The following GMCL1 variants were observed in gnomAD, a reference collection of about 807,000 sequenced individuals.
The protein encoded by GMCL1 is germ cell-less 1, spermatogenesis associated, also known as germ cell-less protein-like 1.
A neutral mutation model predicts 75.5 loss-of-function variants in GMCL1; 54 were observed. That is an observed-to-expected ratio of 0.71 (90% CI 0.57 to 0.90). The LOEUF is 0.90. GMCL1 is among the 40% of genes least tolerant of loss of function. The pLI, the probability that GMCL1 is intolerant of heterozygous loss-of-function variation, is 0.00. For synonymous variants in GMCL1, 210 were observed against 209.6 expected, an observed-to-expected ratio of 1.00 and a Z score of -0.02; for missense variants, 537 against 622.7, an observed-to-expected ratio of 0.86 and a Z score of 1.47.
At chr2:69,870,603 G>T (rs7568485) in intron 12 of GMCL1, among the ~76,000 whole-genome samples, 1 of 151,988 alleles carries the variant, frequency 6.6e-6, no homozygotes, top group East Asian at 1.9e-4. Context: ...TATTTGTAAC[G>T]CTACATTTGA....
At chr2:69,843,087 G>C in intron 4 of GMCL1, 62 bp from the exon 5 acceptor site, 1 of 679,538 alleles carries the variant, frequency 1.5e-6, no homozygotes, top group South Asian at 2.1e-5. Context: ...ATATGTAAAA[G>C]CTGTCAGAGC....
At chr2:69,861,509 TTATAAA>T (rs1235188979) in intron 10 of GMCL1, among the ~76,000 whole-genome samples, 162 bp downstream of exon 10, 1 of 152,332 alleles carries the variant, frequency 6.6e-6, no homozygotes, top group East Asian at 1.9e-4. Flanking sequence ...ATTATCAGTC[TTATAAA>T]TGTCTTTCTG....
intron 8 of GMCL1, among the ~76,000 whole-genome samples, chr2:69,852,020 G>A (rs151148974): frequency 3.0e-4 from 45 of 152,172 alleles, no homozygotes; most frequent in African/African-American, 9.2e-4. Flanking sequence ...TTTGTGTTAC[G>A]TTATGGCAAT....
At chr2:69,832,488 A>G (rs1212225099) in intron 1 of GMCL1, among the ~76,000 whole-genome samples, 3 of 152,168 alleles carry the variant, frequency 2.0e-5, no homozygotes, top group Non-Finnish European at 4.4e-5. Context: ...ACATTTATTT[A>G]TTTATATTTA....
At chr2:69,835,320 C>T (rs542875876) in intron 1 of GMCL1, among the ~76,000 whole-genome samples, 3 of 152,182 alleles carry the variant, frequency 2.0e-5, no homozygotes, top group Admixed American at 6.5e-5. Context: ...TTTATCATAG[C>T]AGTCTATGGG....
intron 1 of GMCL1, among the ~76,000 whole-genome samples, chr2:69,836,396 G>C (rs910470913): frequency 6.6e-6 from 1 of 152,134 alleles, no homozygotes; most frequent in African/African-American, 2.4e-5. Flanking sequence ...ACATTCTGCC[G>C]TCAGGAACTG....
At chr2:69,871,332 A>G (rs1675975823) in intron 12 of GMCL1, among the ~76,000 whole-genome samples, 2 of 152,176 alleles carry the variant, frequency 1.3e-5, no homozygotes, top group Non-Finnish European at 2.9e-5. Flanking sequence ...TCATAGGTAC[A>G]GAGGATACAC....
intron 5 of GMCL1, 119 bp from the exon 6 acceptor site, chr2:69,844,012 G>C (rs1489925684): frequency 4.3e-6 from 2 of 467,948 alleles, no homozygotes; most frequent in African/African-American, 4.1e-5. Context: ...CTATTGTTAA[G>C]CTAAAAGTTT....
intron 11 of GMCL1, 159 bp from the exon 12 acceptor site, chr2:69,869,560 T>C: frequency 3.3e-6 from 2 of 604,520 alleles, no homozygotes; most frequent in Non-Finnish European, 5.7e-6. Flanking sequence ...ATAAATAGTT[T>C]TGGGTGGTAA....
intron 11 of GMCL1, among the ~76,000 whole-genome samples, chr2:69,867,549 A>G (rs931228431): frequency 5.3e-5 from 8 of 151,704 alleles, no homozygotes; most frequent in African/African-American, 1.7e-4. Flanking sequence ...TTTCCCTATC[A>G]CCTTTCTGAC....
intron 2 of GMCL1, among the ~76,000 whole-genome samples, chr2:69,838,995 T>G (rs1457479652): frequency 3.3e-5 from 5 of 152,230 alleles, no homozygotes; most frequent in African/African-American, 7.2e-5. Context: ...AAAGACTTCA[T>G]TCTGTACCTT....
At chr2:69,841,103 C>T in intron 4 of GMCL1, 64 bp downstream of exon 4, 1 of 1,094,708 alleles carries the variant, frequency 9.1e-7, no homozygotes, top group Non-Finnish European at 1.3e-6. Flanking sequence ...AGTGTGTACT[C>T]CAAAAACAAA....
At chr2:69,840,905 A>ATATTT in intron 3 of GMCL1, 37 bp from the exon 4 acceptor site, 1 of 1,391,664 alleles carries the variant, frequency 7.2e-7, no homozygotes, top group Non-Finnish European at 1.0e-6. Context: ...AATAGATATA[A>ATATTT]ATATTATTTC....
intron 13 of GMCL1, among the ~76,000 whole-genome samples, chr2:69,877,738 C>T (rs1396454255): frequency 6.9e-6 from 1 of 144,940 alleles, no homozygotes; most frequent in African/African-American, 2.7e-5. Flanking sequence ...GTGTGTGAGA[C>T]ATTTGTACTC....
rs1676250940 is a variant in GMCL1 at position 69,880,633 on chromosome 2, G to A, written c.*1629G>A. 6.6e-6 allele frequency: 1 copy of A among 152,188 alleles called. No individual in the cohort carries two copies. The highest frequency in any genetic ancestry group is 1.9e-4 in the East Asian group (1 of 5,198). 9.4% of individuals were successfully genotyped at this position (152,188 alleles called of 1,614,324 possible). On this transcript the variant is annotated 3_prime_UTR_variant, in exon 14 of 14. Transcript: ENST00000282570. ...GAGGCAGGCAGATCATCTGAGGTCAGGAGTTTAAGATCAGCCATGACCAAC... is the reference window on the plus strand; with the variant it reads ...GAGGCAGGCAGATCATCTGAGGTCAAGAGTTTAAGATCAGCCATGACCAAC...
intron 1 of GMCL1, 121 bp downstream of exon 1, chr2:69,830,273 C>T (rs1388501050): frequency 5.4e-6 from 7 of 1,293,596 alleles, no homozygotes; most frequent in Non-Finnish European, 7.2e-6. Context: ...GGGACGTGCC[C>T]TTGACAGGGT....
chr2:69,838,799 A>G (rs1215344713), intron 2 of GMCL1, among the ~76,000 whole-genome samples: 1 of 152,244 alleles, frequency 6.6e-6, no homozygotes, highest in Non-Finnish European at 1.5e-5. Flanking sequence ...AAGATGTATT[A>G]TAATTCAAGC....
rs774752056 is a variant in GMCL1, at chr2:69,841,364, T to C, written c.579+325T>C. On this transcript the variant is annotated intron_variant, in intron 4 of 13. Coordinates refer to ENST00000282570, the MANE Select transcript of GMCL1 (RefSeq NM_178439.5). ...ACTTGACTATTAAGCAGATGGCTTA[T>C]GATTACCAATTAATTTCATTCATGG... Among the ~76,000 whole-genome samples the C allele has an allele frequency of 5.8e-4, 88 of 150,574 alleles. 1 individual carries two copies. Among genetic ancestry groups the C allele is most frequent in the Non-Finnish European group, 1.5e-4 (10 of 68,036 alleles).
intron 12 of GMCL1, among the ~76,000 whole-genome samples, chr2:69,870,190 A>T (rs1302599613): frequency 6.6e-6 from 1 of 151,624 alleles, no homozygotes. Flanking sequence ...AGGAAAACAC[A>T]TATTATCCTT....
Sources: gnomAD v4.1 joint callset for allele counts (sites outside exome capture counted in the v4.1 genomes callset) on GRCh38, gnomAD v4.1.1 for gene constraint, MANE v1.5 for transcripts, NCBI Gene and HGNC (gene_info 2026-07-23, HGNC 2026-07-21) for gene names.